The following FIGN variants were observed in gnomAD, a reference collection of about 807,000 sequenced individuals.
The protein encoded by FIGN is fidgetin, microtubule severing factor.
In FIGN, 11 loss-of-function variants were observed where a neutral mutation model predicts 51.3. The observed-to-expected ratio is 0.21, with a 90% CI of 0.13 to 0.35. The LOEUF is 0.35. Ranked by LOEUF, FIGN falls within the 10% of genes least tolerant of loss-of-function variation. The pLI, the probability that FIGN is intolerant of heterozygous loss-of-function variation, is 1.00. For synonymous variants in FIGN, 407 were observed against 363.2 expected (o/e 1.12, Z -1.37); for missense variants, 857 against 943.6 (o/e 0.91, Z 1.20).
intron 2 of FIGN, among the ~76,000 whole-genome samples, chr2:163,666,357 C>A (rs1683773341): frequency 6.6e-6 from 1 of 152,116 alleles, no homozygotes; most frequent in African/African-American, 2.4e-5. Context: ...CAGGGCAAAT[C>A]AACAAAGCAG....
chr2:163,687,828 T>C (rs1005365483), intron 2 of FIGN, among the ~76,000 whole-genome samples: 25 of 152,148 alleles, frequency 1.6e-4, no homozygotes, highest in African/African-American at 5.6e-4. Flanking sequence ...ACATGCAAAG[T>C]TAAATCAAGA....
At position 163,614,863 on chromosome 2, in the gene FIGN, C is replaced by T. The variant is rs185278398; in HGVS notation, c.26-3057G>A. ...GGTGGGAACCCCCCACCTGTATTAG[C>T]TTAAGTAATGTTTTCTTGTAAATAT... On this transcript the variant is annotated intron_variant, in intron 2 of 2. Transcript: ENST00000333129. 8.0e-3 allele frequency among the ~76,000 whole-genome samples: 1,220 copies of T among 151,900 alleles called. 8 individuals carry two copies. The highest frequency in any genetic ancestry group is 0.013 in the Non-Finnish European group (878 of 67,916).
chr2:163,716,786 ATC>A (rs1356855562), intron 2 of FIGN, among the ~76,000 whole-genome samples: 3 of 152,154 alleles, frequency 2.0e-5, no homozygotes, highest in Non-Finnish European at 2.9e-5. Context: ...TAAAACTATA[ATC>A]TGTTTTCATT....
At chr2:163,652,744 A>G (rs16848747) in intron 2 of FIGN, among the ~76,000 whole-genome samples, 13 of 152,056 alleles carry the variant, frequency 8.5e-5, no homozygotes, top group African/African-American at 3.1e-4. Context: ...TCCATAATTT[A>G]TCTAAAATGT....
At chr2:163,629,110 A>G (rs544119826) in intron 2 of FIGN, among the ~76,000 whole-genome samples, 1 of 152,184 alleles carries the variant, frequency 6.6e-6, no homozygotes, top group Non-Finnish European at 1.5e-5. Flanking sequence ...AATGGAAGAC[A>G]GAGTAGAGAG....
intron 2 of FIGN, among the ~76,000 whole-genome samples, chr2:163,637,353 T>C (rs1190016600): frequency 1.3e-5 from 2 of 152,166 alleles, no homozygotes; most frequent in Non-Finnish European, 2.9e-5. Flanking sequence ...TTCCCACAAA[T>C]CTAATTACGA....
chr2:163,631,932 G>A (rs1320065946), intron 2 of FIGN, among the ~76,000 whole-genome samples: 1 of 152,148 alleles, frequency 6.6e-6, no homozygotes, highest in Non-Finnish European at 1.5e-5. Context: ...TGGATCACCT[G>A]AGGTCAGGTG....
At chr2:163,684,860 C>T (rs1252762636) in intron 2 of FIGN, among the ~76,000 whole-genome samples, 2 of 151,914 alleles carry the variant, frequency 1.3e-5, no homozygotes, top group East Asian at 1.9e-4. Context: ...CTGCAACCTC[C>T]GCCTCCCAGG....
At chr2:163,702,352 CACTGTTCAGTGTCACCTTCACAT>C (rs1684421688) in intron 2 of FIGN, among the ~76,000 whole-genome samples, 1 of 152,180 alleles carries the variant, frequency 6.6e-6, no homozygotes, top group African/African-American at 2.4e-5. Flanking sequence ...TGTTCAGACA[CACTGTTCAGTGTCACCTTCACAT>C]ACAAAAGGAC....
At chr2:163,619,386 T>C (rs1682931592) in intron 2 of FIGN, among the ~76,000 whole-genome samples, 1 of 152,180 alleles carries the variant, frequency 6.6e-6, no homozygotes, top group Non-Finnish European at 1.5e-5. Flanking sequence ...CTGTATTTAA[T>C]GTTACAGGCA....
At chr2:163,647,151 A>G (rs1683395133) in intron 2 of FIGN, among the ~76,000 whole-genome samples, 1 of 152,252 alleles carries the variant, frequency 6.6e-6, no homozygotes, top group Admixed American at 6.5e-5. Flanking sequence ...TATACCAAAG[A>G]GATTAGTTAG....
In FIGN at chr2:163,610,277, G is replaced by C. The variant is rs772707463; in HGVS notation, c.1555C>G (p.Pro519Ala). The change falls in exon 3 of 3, where the codon CCT becomes GCT. Residue 519 changes from proline to alanine, a missense_variant. By Grantham distance (27) the Pro-to-Ala change is conservative. Coordinates refer to ENST00000333129, the MANE Select transcript of FIGN (RefSeq NM_018086.4). ...SDAFSGLTAL[P>A]RSILLFGPRG... Reference sequence around the variant, plus strand: ...GGTCCAAATAAAAGGATGCTCCGAGGTAAGGCCGTCAGTCCACTGAACGCG... The same window carrying C: ...GGTCCAAATAAAAGGATGCTCCGAGCTAAGGCCGTCAGTCCACTGAACGCG... 17 of 1,613,992 alleles carry C rather than the reference G, an allele frequency of 1.1e-5. No homozygotes were observed. Among genetic ancestry groups the C allele is most frequent in the Non-Finnish European group, 1.4e-5 (17 of 1,180,034 alleles).
At chr2:163,663,841 C>T (rs1368089726) in intron 2 of FIGN, among the ~76,000 whole-genome samples, 1 of 151,526 alleles carries the variant, frequency 6.6e-6, no homozygotes, top group Admixed American at 6.6e-5. Flanking sequence ...GAGATCATGC[C>T]ATTGCACTCC....
chr2:163,621,131 C>G (rs1682964651), intron 2 of FIGN, among the ~76,000 whole-genome samples: 1 of 152,148 alleles, frequency 6.6e-6, no homozygotes, highest in Non-Finnish European at 1.5e-5. Flanking sequence ...AGATTGAGCA[C>G]TGTCTCATAT....
At chr2:163,687,362 G>C (rs979198415) in intron 2 of FIGN, among the ~76,000 whole-genome samples, 3 of 152,194 alleles carry the variant, frequency 2.0e-5, no homozygotes, top group Non-Finnish European at 4.4e-5. Context: ...ACTAGGCTTT[G>C]AGTGCTAGTT....
chr2:163,717,528 AT>A (rs1453213026), intron 2 of FIGN, among the ~76,000 whole-genome samples: 1 of 151,980 alleles, frequency 6.6e-6, no homozygotes, highest in African/African-American at 2.4e-5. Context: ...TATTTTGGTA[AT>A]TTTTTTAAAA....
intron 2 of FIGN, among the ~76,000 whole-genome samples, chr2:163,629,952 C>CTTTTTTTTTTTTTTTTT (rs71297448): frequency 8.8e-5 from 5 of 56,928 alleles, no homozygotes; most frequent in Admixed American, 4.7e-4. Flanking sequence ...GAAAGGGGCA[C>CTTTTTTTTTTTTTTTTT]TTTTTTTTTT....
At chr2:163,712,240 G>C (rs1425243626) in intron 2 of FIGN, among the ~76,000 whole-genome samples, 1 of 152,182 alleles carries the variant, frequency 6.6e-6, no homozygotes, top group Admixed American at 6.6e-5. Context: ...ACAATCCAAT[G>C]TACAGTAAGT....
chr2:163,685,524 T>C (rs1684133561), intron 2 of FIGN, among the ~76,000 whole-genome samples: 1 of 152,182 alleles, frequency 6.6e-6, no homozygotes, highest in South Asian at 2.1e-4. Flanking sequence ...ACATGATCTG[T>C]GTAGCATTCA....
Sources: allele counts gnomAD v4.1 joint callset (sites outside exome capture counted in the v4.1 genomes callset), GRCh38; gene constraint gnomAD v4.1.1; transcripts MANE v1.5; gene names NCBI Gene and HGNC (gene_info 2026-07-23, HGNC 2026-07-21).